Variants in LSM4 observed in about 807,000 individuals in gnomAD.
LSM4 encodes the protein LSM4 homolog, U6 small nuclear RNA and mRNA degradation associated.
In LSM4, 15 loss-of-function variants were observed where a neutral mutation model predicts 22.3. That is an observed-to-expected ratio of 0.67 (90% CI 0.45 to 1.03). LSM4 has a LOEUF of 1.03. Among genes scored for constraint, LSM4 ranks in the 50% least tolerant of loss-of-function variants. The pLI is 0.00. For missense variants in LSM4, 127 were observed against 198.0 expected (o/e 0.64, Z 2.15); for synonymous variants, 90 against 79.8 (o/e 1.13, Z -0.68).
At position 18,306,612 on chromosome 19, in the gene LSM4, T is replaced by C. The variant is rs1970225226; in HGVS notation, c.*852A>G. The C allele has an allele frequency of 6.6e-6, 1 of 152,368 alleles. No homozygotes were observed. Among genetic ancestry groups the C allele is most frequent in the Non-Finnish European group, 1.5e-5 (1 of 68,164 alleles). The allele number at this position is 152,368 out of a possible 1,614,324, so 9.4% of individuals were successfully genotyped here. ...GGTGATGGGGACCATGCGTGGCCCC[T>C]GCCTGGGACTTCCCTCCCCACACAC... On this transcript the variant is annotated 3_prime_UTR_variant, in exon 5 of 5. Coordinates refer to ENST00000593829, the MANE Select transcript of LSM4 (RefSeq NM_012321.5).
intron 4 of LSM4, 143 bp downstream of exon 4, chr19:18,309,535 G>T: frequency 1.1e-6 from 1 of 882,388 alleles, no homozygotes; most frequent in South Asian, 1.8e-5. Context: ...CTGGGCCTCG[G>T]CTCATGGCCA....
intron 2 of LSM4, among the ~76,000 whole-genome samples, chr19:18,312,990 G>A (rs959677911): frequency 6.6e-6 from 1 of 152,224 alleles, no homozygotes; most frequent in Admixed American, 6.5e-5. Context: ...GGAGGCCGAG[G>A]CAGGCAGATC....
chr19:18,319,596 G>C (rs1970401925), intron 1 of LSM4, among the ~76,000 whole-genome samples: 2 of 152,106 alleles, frequency 1.3e-5, no homozygotes, highest in African/African-American at 4.8e-5. Flanking sequence ...ACCCAAATAG[G>C]GTTGGTGCAG....
At position 18,307,562 on chromosome 19, in the gene LSM4, G is replaced by A; in HGVS notation, c.329-7C>T. The A allele has an allele frequency of 6.7e-7, 1 of 1,503,686 alleles. No individual in the cohort carries two copies. Among genetic ancestry groups the A allele is most frequent in the South Asian group, 1.3e-5 (1 of 78,868 alleles). 93.1% of individuals were successfully genotyped at this position (1,503,686 alleles called of 1,614,324 possible). A position where few individuals can be genotyped will look rare whatever the true frequency, so the allele number is the denominator to read the frequency against. ...CCCCGGCCACCAAACACACCTAGAG[G>A]ACAGAGAGAGGGCGCTGCAGCAGAG... is the stretch of plus-strand genomic sequence containing the variant. On this transcript the variant is annotated splice_region_variant and splice_polypyrimidine_tract_variant and intron_variant, in intron 4 of 4. Coordinates refer to ENST00000593829, the MANE Select transcript of LSM4 (RefSeq NM_012321.5).
intron 4 of LSM4, among the ~76,000 whole-genome samples, chr19:18,307,792 G>T (rs949950120): frequency 6.6e-6 from 1 of 152,076 alleles, no homozygotes; most frequent in Non-Finnish European, 1.5e-5. Flanking sequence ...GATGCGGGGG[G>T]GGGGGACTAG....
intron 3 of LSM4, 65 bp from the exon 4 acceptor site, chr19:18,309,926 G>C: frequency 1.3e-6 from 2 of 1,523,160 alleles, no homozygotes; most frequent in African/African-American, 1.4e-5. Context: ...CTGGGAGCGC[G>C]GGAGGCCCTG....
At chr19:18,308,923 C>T (rs1970264491) in intron 4 of LSM4, among the ~76,000 whole-genome samples, 1 of 152,176 alleles carries the variant, frequency 6.6e-6, no homozygotes, top group African/African-American at 2.4e-5. Context: ...CCAGAGAAAA[C>T]CCCCCACTTC....
chr19:18,318,668 G>A (rs544452351), intron 1 of LSM4, among the ~76,000 whole-genome samples: 2 of 152,382 alleles, frequency 1.3e-5, no homozygotes, highest in East Asian at 1.9e-4. Context: ...CAGGGAAGGC[G>A]CAGAGGTCAG....
intron 2 of LSM4, among the ~76,000 whole-genome samples, chr19:18,313,334 G>T (rs756763527): frequency 6.6e-6 from 1 of 152,200 alleles, no homozygotes; most frequent in African/African-American, 2.4e-5. Flanking sequence ...GTGGCTGGGG[G>T]CCAGGTGGGC....
chr19:18,312,240 G>A (rs919284965), intron 3 of LSM4: 6 of 190,254 alleles, frequency 3.2e-5, no homozygotes, highest in East Asian at 1.5e-4. Flanking sequence ...ACCATGGCCC[G>A]CAGAGTGCAG....
In LSM4 at chr19:18,309,478, G is replaced by A. The variant is rs765035489; in HGVS notation, c.328+200C>T. The A allele has an allele frequency of 1.0e-5, 6 of 581,026 alleles. No individual in the cohort carries two copies. The East Asian group carries it at 1.2e-4, about 12-fold the overall frequency. The allele number at this position is 581,026 out of a possible 1,614,324, so 36.0% of individuals were successfully genotyped here. ...TGATGTGCCCTGAGGACCGCCAGGA[G>A]GCGCAGTGAGAGGAGGGCTGAGTCC... On this transcript the variant is annotated intron_variant, in intron 4 of 4. Transcript: ENST00000593829.
intron 4 of LSM4, 103 bp from the exon 5 acceptor site, chr19:18,307,658 C>CCTCAG (rs1169976408): frequency 1.3e-6 from 1 of 762,728 alleles, no homozygotes; most frequent in Non-Finnish European, 2.0e-6. Context: ...AAGTCTCCAG[C>CCTCAG]CTCAGCTTCC....
chr19:18,322,931 A>T, intron 1 of LSM4, 87 bp downstream of exon 1: 1 of 1,554,354 alleles, frequency 6.4e-7, no homozygotes, highest in South Asian at 1.2e-5. Context: ...GCCCCGCGCC[A>T]ACCAAGCCCA....
At chr19:18,315,599 T>A (rs1335319664) in intron 2 of LSM4, among the ~76,000 whole-genome samples, 2 of 152,120 alleles carry the variant, frequency 1.3e-5, no homozygotes, top group African/African-American at 4.8e-5. Context: ...TGGAGCGCAG[T>A]GGTATGATCA....
intron 1 of LSM4, 72 bp downstream of exon 1, chr19:18,322,946 G>A (rs1970441480): frequency 4.5e-6 from 7 of 1,569,768 alleles, no homozygotes; most frequent in Non-Finnish European, 6.0e-6. Flanking sequence ...AGCCCACAGC[G>A]CCCGCCCGCA....
intron 1 of LSM4, among the ~76,000 whole-genome samples, chr19:18,316,692 C>T (rs997322634): frequency 6.6e-6 from 1 of 152,042 alleles, no homozygotes; most frequent in Non-Finnish European, 1.5e-5. Context: ...TGAGATGCAT[C>T]CATGTTGATG....
intron 4 of LSM4, among the ~76,000 whole-genome samples, chr19:18,308,317 TGGACGCAGCAGGTTGGTCAGGCCG>T (rs1002332440): frequency 1.3e-4 from 20 of 152,204 alleles, no homozygotes; most frequent in Non-Finnish European, 2.8e-4. Flanking sequence ...AGGCCAGGCC[TGGACGCAGCAGGTTGGTCAGGCCG>T]GGACCCAACA....
chr19:18,316,790 C>A (rs762741402), intron 1 of LSM4, among the ~76,000 whole-genome samples: 1 of 152,186 alleles, frequency 6.6e-6, no homozygotes, highest in Non-Finnish European at 1.5e-5. Context: ...GGAGACAGAG[C>A]TGGCCTGGTC....
intron 1 of LSM4, among the ~76,000 whole-genome samples, chr19:18,320,508 C>CA (rs976654656): frequency 1.3e-5 from 2 of 151,528 alleles, no homozygotes; most frequent in Non-Finnish European, 2.9e-5. Context: ...CTCTGAAAAA[C>CA]AAAAAAAGTC....
Sources: allele counts gnomAD v4.1 joint callset (sites outside exome capture counted in the v4.1 genomes callset), GRCh38; gene constraint gnomAD v4.1.1; transcripts MANE v1.5; gene names NCBI Gene and HGNC (gene_info 2026-07-23, HGNC 2026-07-21).